Variants in GALNT17 observed in about 807,000 individuals in gnomAD.
GALNT17 encodes UDP-GalNAc:polypeptide N-acetylgalactosaminyltransferase-like 3.
Under a neutral mutation model 63.7 loss-of-function variants are expected in GALNT17, and 29 were observed. The ratio of observed to expected loss-of-function variants is 0.46; its 90% CI spans 0.34 to 0.62. The LOEUF (loss-of-function observed/expected upper bound fraction) is 0.62. Ranked by LOEUF, GALNT17 falls within the 20% of genes least tolerant of loss-of-function variation. The pLI is 0.01. For synonymous variants in GALNT17, 305 were observed against 318.3 expected, an observed-to-expected ratio of 0.96 and a Z score of 0.45; for missense variants, 603 against 799.6, an observed-to-expected ratio of 0.75 and a Z score of 2.97.
intron 6 of GALNT17, among the ~76,000 whole-genome samples, chr7:71,643,725 C>T (rs781600163): frequency 2.0e-5 from 3 of 151,840 alleles, no homozygotes; most frequent in Non-Finnish European, 2.9e-5. Flanking sequence ...TAGGAGATGA[C>T]ATTTTAGAAT....
chr7:71,422,729 G>A (rs775135136), intron 5 of GALNT17, among the ~76,000 whole-genome samples: 5 of 152,230 alleles, frequency 3.3e-5, no homozygotes, highest in Admixed American at 6.5e-5. Flanking sequence ...CAGGGAGCTT[G>A]TGTTAATCAG....
In GALNT17 at chr7:71,277,661, A is replaced by G. The variant is rs184622532; in HGVS notation, c.239-57889A>G. Among the ~76,000 whole-genome samples, 34 of 152,346 alleles carry G rather than the reference A, an allele frequency of 2.2e-4. No homozygotes were observed. The East Asian group carries it at 3.1e-3, about 14-fold the overall frequency. On this transcript the variant is annotated intron_variant, in intron 1 of 10. Transcript: ENST00000333538. ...ACCTGGGCACTTTACAGACGTGCCA[A>G]GAGAAAGGGTTTGCATCACAGCCTG...
chr7:71,683,936 G>A (rs1247325921), intron 9 of GALNT17, among the ~76,000 whole-genome samples: 1 of 150,952 alleles, frequency 6.6e-6, no homozygotes, highest in Non-Finnish European at 1.5e-5. Flanking sequence ...TTGAACTCAG[G>A]AGGCGGAGGT....
chr7:71,657,982 G>A (rs553079812), intron 6 of GALNT17, among the ~76,000 whole-genome samples: 4 of 152,214 alleles, frequency 2.6e-5, no homozygotes, highest in East Asian at 3.9e-4. Context: ...ATAGCTCACC[G>A]CAGCCTTGAA....
At chr7:71,355,869 G>T (rs1792275257) in intron 2 of GALNT17, among the ~76,000 whole-genome samples, 1 of 152,128 alleles carries the variant, frequency 6.6e-6, no homozygotes, top group African/African-American at 2.4e-5. Context: ...AGGTTGAGAA[G>T]ATGTGTTGCC....
At chr7:71,296,403 CA>C (rs1200468819) in intron 1 of GALNT17, among the ~76,000 whole-genome samples, 2 of 152,196 alleles carry the variant, frequency 1.3e-5, no homozygotes, top group East Asian at 3.9e-4. Context: ...CACTTGAGGT[CA>C]GTAGTTCAAG....
chr7:71,709,738 A>G (rs1019336012), intron 9 of GALNT17, among the ~76,000 whole-genome samples: 5 of 152,042 alleles, frequency 3.3e-5, no homozygotes, highest in Admixed American at 6.5e-5. Context: ...AGCTTGGATT[A>G]TAGTTGCTCA....
chr7:71,441,851 A>G (rs1787072232), intron 5 of GALNT17, among the ~76,000 whole-genome samples: 1 of 152,146 alleles, frequency 6.6e-6, no homozygotes, highest in African/African-American at 2.4e-5. Flanking sequence ...CATGGTGTGT[A>G]TGTGCCACAT....
At chr7:71,583,784 A>G (rs1323301429) in intron 6 of GALNT17, among the ~76,000 whole-genome samples, 1 of 151,774 alleles carries the variant, frequency 6.6e-6, no homozygotes, top group Non-Finnish European at 1.5e-5. Context: ...GCCCTTCCTC[A>G]AGAGACCTTC....
At position 71,499,745 on chromosome 7, in the gene GALNT17, C is replaced by T. The variant is rs546368523; in HGVS notation, c.963-71540C>T. 2.6e-5 allele frequency among the ~76,000 whole-genome samples: 4 copies of T among 152,324 alleles called. No homozygotes were observed. The South Asian group carries it at 6.2e-4, about 24-fold the overall frequency. On this transcript the variant is annotated intron_variant, in intron 5 of 10. Coordinates refer to ENST00000333538, the MANE Select transcript of GALNT17 (RefSeq NM_022479.3). ...CCATTTCTAATCCACATTCTTCCTC[C>T]ATCAAGCCAACACTGACTCACTGAT... is the stretch of plus-strand genomic sequence containing the variant.
chr7:71,603,426 A>C (rs1402397736), intron 6 of GALNT17, among the ~76,000 whole-genome samples: 3 of 152,122 alleles, frequency 2.0e-5, no homozygotes, highest in Non-Finnish European at 4.4e-5. Context: ...TGCTAAGTGC[A>C]TATACCAGAT....
At position 71,388,510 on chromosome 7, in the gene GALNT17, T is replaced by C. The variant is rs1792991833; in HGVS notation, c.589+109T>C. ...TGTGTCTCCTGGTCCCTGGAGCATA[T>C]CTGGGGAAGGGATATTTTTTCTTTT... On this transcript the variant is annotated intron_variant, in intron 3 of 10. Transcript: ENST00000333538. 1.5e-6 allele frequency: 2 copies of C among 1,321,636 alleles called. 1 individual carries two copies. The highest frequency in any genetic ancestry group is 3.0e-5 in the South Asian group (2 of 65,780). The allele number at this position is 1,321,636 out of a possible 1,614,324, so 81.9% of individuals were successfully genotyped here.
chr7:71,543,780 TTCC>T (rs1317819511), intron 5 of GALNT17, among the ~76,000 whole-genome samples: 1 of 140,966 alleles, frequency 7.1e-6, no homozygotes, highest in Non-Finnish European at 1.5e-5. Context: ...TTTTTCTTTC[TTCC>T]TTTCTTTCTT....
intron 5 of GALNT17, among the ~76,000 whole-genome samples, chr7:71,495,908 A>G (rs4129606): frequency 0.041 from 6,240 of 152,296 alleles, 247 homozygotes; most frequent in South Asian, 0.11. Context: ...CCACCAGGGC[A>G]GATGTAAATG....
chr7:71,141,400 GAC>G (rs942628227), intron 1 of GALNT17, among the ~76,000 whole-genome samples: 1 of 151,102 alleles, frequency 6.6e-6, no homozygotes, highest in Non-Finnish European at 1.5e-5. Flanking sequence ...AAAAAAAAAA[GAC>G]AGACTGGGTT....
intron 3 of GALNT17, among the ~76,000 whole-genome samples, chr7:71,389,066 A>G (rs1488994112): frequency 6.6e-6 from 1 of 152,094 alleles, no homozygotes; most frequent in African/African-American, 2.4e-5. Context: ...GATCAGCAGT[A>G]GCATTAGCTT....
At chr7:71,406,994 A>G (rs1427746231) in intron 3 of GALNT17, among the ~76,000 whole-genome samples, 2 of 152,232 alleles carry the variant, frequency 1.3e-5, no homozygotes, top group African/African-American at 2.4e-5. Context: ...TGTCCTGACT[A>G]ATGTCTGTGC....
At chr7:71,631,475 AC>A (rs1790452242) in intron 6 of GALNT17, among the ~76,000 whole-genome samples, 1 of 152,134 alleles carries the variant, frequency 6.6e-6, no homozygotes, top group Non-Finnish European at 1.5e-5. Context: ...GGTGTGAGCC[AC>A]CATGCCCAGA....
At chr7:71,333,419 T>C (rs1791841414) in intron 1 of GALNT17, among the ~76,000 whole-genome samples, 1 of 152,242 alleles carries the variant, frequency 6.6e-6, no homozygotes, top group Admixed American at 6.5e-5. Flanking sequence ...ATTTAGCTAA[T>C]AAGAATAATG....
Sources: gnomAD v4.1 joint callset for allele counts (sites outside exome capture counted in the v4.1 genomes callset) on GRCh38, gnomAD v4.1.1 for gene constraint, MANE v1.5 for transcripts, NCBI Gene and HGNC (gene_info 2026-07-23, HGNC 2026-07-21) for gene names.